AKAP19: variants seen among roughly 807,000 people sequenced by gnomAD.
AKAP19 encodes the protein small A-kinase anchoring protein.
At chr2:189,923,900 C>G in the AKAP19 span, 1 of 1,611,208 alleles carries the variant, frequency 6.2e-7, no homozygotes, top group Admixed American at 1.7e-5. Flanking sequence ...GGAGCTGACC[C>G]AGATAAAACA....
chr2:189,894,537 CTT>C, the AKAP19 span, among the ~76,000 whole-genome samples: 3 of 152,012 alleles, frequency 2.0e-5, no homozygotes, highest in Non-Finnish European at 2.9e-5. Flanking sequence ...CAATTTTAGA[CTT>C]TTTTCTTCTC....
chr2:190,135,301 G>A, the AKAP19 span, among the ~76,000 whole-genome samples: 1 of 152,054 alleles, frequency 6.6e-6, no homozygotes, highest in African/African-American at 2.4e-5. Flanking sequence ...CTTAAGGTGT[G>A]GAACGTGGTT....
At chr2:190,122,030 C>A in the AKAP19 span, among the ~76,000 whole-genome samples, 1 of 152,124 alleles carries the variant, frequency 6.6e-6, no homozygotes, top group African/African-American at 2.4e-5. Context: ...GGTTACTGAA[C>A]TGATTGATAA....
chr2:189,885,340 A>G, the AKAP19 span, among the ~76,000 whole-genome samples: 5 of 152,358 alleles, frequency 3.3e-5, no homozygotes, highest in African/African-American at 4.8e-5. Flanking sequence ...TGAGTCTGCC[A>G]TTGTGTAAAA....
At chr2:190,168,247 T>A in the AKAP19 span, among the ~76,000 whole-genome samples, 1 of 152,194 alleles carries the variant, frequency 6.6e-6, no homozygotes, top group African/African-American at 2.4e-5. Context: ...CTTTTAGTCA[T>A]GGCTGCAGTG....
At chr2:189,977,390 A>G in the AKAP19 span, among the ~76,000 whole-genome samples, 1 of 152,168 alleles carries the variant, frequency 6.6e-6, no homozygotes, top group Non-Finnish European at 1.5e-5. Flanking sequence ...TTTCCTTTAG[A>G]CAAACTCAGT....
At chr2:190,028,620 A>G in the AKAP19 span, among the ~76,000 whole-genome samples, 1 of 152,170 alleles carries the variant, frequency 6.6e-6, no homozygotes, top group African/African-American at 2.4e-5. Flanking sequence ...GCTTCAGTAG[A>G]TATTTGTTAT....
chr2:189,894,349 T>C, the AKAP19 span, among the ~76,000 whole-genome samples: 10 of 152,286 alleles, frequency 6.6e-5, no homozygotes, highest in Middle Eastern at 3.4e-3. Context: ...AATGCCCCTT[T>C]CTCTTAGAAT....
At chr2:190,047,415 G>T in the AKAP19 span, among the ~76,000 whole-genome samples, 1 of 152,198 alleles carries the variant, frequency 6.6e-6, no homozygotes, top group Non-Finnish European at 1.5e-5. Flanking sequence ...CAGCGGAGGT[G>T]ACTTTCCTCA....
At chr2:190,186,698 A>G in the AKAP19 span, among the ~76,000 whole-genome samples, 2 of 152,278 alleles carry the variant, frequency 1.3e-5, no homozygotes, top group East Asian at 3.9e-4. The surrounding 1 kb of genome is among the most constrained non-coding windows in gnomAD (Gnocchi z 5.5). Context: ...ATGATTCTCA[A>G]TACTCCCAGT....
chr2:190,187,776 C>A, the AKAP19 span, among the ~76,000 whole-genome samples: 4 of 152,300 alleles, frequency 2.6e-5, no homozygotes, highest in African/African-American at 4.8e-5. Context: ...ATAGTTTGAA[C>A]CCAGGAGTTC....
chr2:190,179,217 G>C, the AKAP19 span, among the ~76,000 whole-genome samples: 2 of 152,118 alleles, frequency 1.3e-5, no homozygotes, highest in Non-Finnish European at 2.9e-5. This position sits in a 1 kb window ranked among gnomAD's most constrained non-coding sequence, Gnocchi z 6.0. Flanking sequence ...GGATCAGCCT[G>C]GCAAACATGG....
At chr2:190,187,540 G>A in the AKAP19 span, among the ~76,000 whole-genome samples, 1 of 151,804 alleles carries the variant, frequency 6.6e-6, no homozygotes, top group African/African-American at 2.4e-5. Flanking sequence ...ACCCAGAATG[G>A]AGGAACACAG....
the AKAP19 span, among the ~76,000 whole-genome samples, chr2:190,040,338 C>A: frequency 6.6e-6 from 1 of 152,126 alleles, no homozygotes; most frequent in Non-Finnish European, 1.5e-5. Context: ...AGTATCTGTT[C>A]ATGCTCTTTG....
the AKAP19 span, among the ~76,000 whole-genome samples, chr2:190,139,485 G>A: frequency 2.0e-5 from 3 of 152,184 alleles, no homozygotes; most frequent in Admixed American, 6.5e-5. Context: ...AATTTATAAA[G>A]GAAAGAGGTT....
the AKAP19 span, among the ~76,000 whole-genome samples, chr2:189,956,108 A>G: frequency 6.6e-6 from 1 of 151,918 alleles, no homozygotes; most frequent in Middle Eastern, 3.2e-3. Flanking sequence ...TTTAAGAACA[A>G]TGGGTCATTT....
chr2:189,998,647 C>A, the AKAP19 span, among the ~76,000 whole-genome samples: 1 of 151,708 alleles, frequency 6.6e-6, no homozygotes, highest in Non-Finnish European at 1.5e-5. Flanking sequence ...ATTTTTTGAT[C>A]AGTCTAGATG....
chr2:190,127,622 C>G, the AKAP19 span, among the ~76,000 whole-genome samples: 1 of 152,130 alleles, frequency 6.6e-6, no homozygotes, highest in Non-Finnish European at 1.5e-5. Context: ...TATATTAGAA[C>G]ATGAATAATG....
chr2:190,020,673 C>A, the AKAP19 span, among the ~76,000 whole-genome samples: 2 of 152,048 alleles, frequency 1.3e-5, no homozygotes, highest in African/African-American at 4.8e-5. Context: ...TGTTGTGGAA[C>A]CATCACCACC....
Sources: allele counts gnomAD v4.1 joint callset (sites outside exome capture counted in the v4.1 genomes callset), GRCh38; gene constraint gnomAD v4.1.1; non-coding constraint Gnocchi (gnomAD v3.1); transcripts MANE v1.5; gene names NCBI Gene and HGNC (gene_info 2026-07-23, HGNC 2026-07-21).